The following WDR37 variants were observed in gnomAD, a reference collection of about 807,000 sequenced individuals.
The protein encoded by WDR37 is WD repeat-containing protein 37.
In WDR37, 19 loss-of-function variants were observed where a neutral mutation model predicts 62.9. The observed-to-expected ratio is 0.30, with a 90% CI of 0.21 to 0.44. The LOEUF (loss-of-function observed/expected upper bound fraction) is 0.44. Among genes scored for constraint, WDR37 ranks in the 20% least tolerant of loss-of-function variants. The pLI is 1.00. For synonymous variants in WDR37, 250 were observed against 260.9 expected (o/e 0.96, Z 0.40); for missense variants, 474 against 657.6 (o/e 0.72, Z 3.05).
intron 11 of WDR37, among the ~76,000 whole-genome samples, chr10:1,107,649 CCT>C (rs759313223): frequency 3.3e-5 from 5 of 151,816 alleles, no homozygotes; most frequent in Non-Finnish European, 5.9e-5. Context: ...TGTGTACACA[CCT>C]CTCTCTGAAA....
intron 10 of WDR37, 150 bp from the exon 11 acceptor site, chr10:1,104,976 C>T: frequency 1.1e-6 from 1 of 931,862 alleles, no homozygotes; most frequent in South Asian, 2.7e-5. Flanking sequence ...AAAACCTGCC[C>T]CACTGTGACC....
In WDR37 at chr10:1,105,100, C is replaced by G; in HGVS notation, c.962-26C>G. ...CTCAGCGTGCTCCTCAGGTGATGAC[C>G]TTGTGTTTTGCCATCTTGGTTACAG... On this transcript the variant is annotated intron_variant, in intron 10 of 13. Coordinates refer to ENST00000263150, the MANE Select transcript of WDR37 (RefSeq NM_014023.4). The surrounding 1 kb of genome is among the most constrained non-coding windows in gnomAD (Gnocchi z 5.3). 2 of 1,613,118 alleles carry G rather than the reference C, an allele frequency of 1.2e-6. No individual in the cohort carries two copies. The highest frequency in any genetic ancestry group is 1.7e-6 in the Non-Finnish European group (2 of 1,179,188).
chr10:1,131,016 A>C lies in WDR37; in HGVS notation c.*1672A>C, dbSNP rs531110404. On this transcript the variant is annotated 3_prime_UTR_variant, in exon 14 of 14. Coordinates refer to ENST00000263150, the MANE Select transcript of WDR37 (RefSeq NM_014023.4). ...CAGTCATTTTGATTTTACAAATAAA[A>C]AATGTGTTGTGTTTTTGTCCGACAT... is the stretch of plus-strand genomic sequence containing the variant. The C allele has an allele frequency of 1.3e-5, 2 of 152,366 alleles. No individual in the cohort carries two copies. Among genetic ancestry groups the C allele is most frequent in the South Asian group, 4.1e-4 (2 of 4,830 alleles). 9.4% of individuals were successfully genotyped at this position (152,366 alleles called of 1,614,324 possible).
Position 1,131,191 on chromosome 10 carries a change from C to T in WDR37, c.*1847C>T, listed in dbSNP as rs1835940529. The T allele has an allele frequency of 6.6e-6, 1 of 152,356 alleles. No homozygotes were observed. The highest frequency in any genetic ancestry group is 2.1e-4 in the South Asian group (1 of 4,828). 9.4% of individuals were successfully genotyped at this position (152,356 alleles called of 1,614,324 possible). A position where few individuals can be genotyped will look rare whatever the true frequency, so the allele number is the denominator to read the frequency against. Reference sequence around the variant, plus strand: ...ATGTTGCTGGGGCCTCACTTTTTCTCTTGGCTGGAGGTCCAATTGCCAGAG... The same window carrying T: ...ATGTTGCTGGGGCCTCACTTTTTCTTTTGGCTGGAGGTCCAATTGCCAGAG... On this transcript the variant is annotated 3_prime_UTR_variant, in exon 14 of 14. Coordinates refer to ENST00000263150, the MANE Select transcript of WDR37 (RefSeq NM_014023.4).
chr10:1,103,865 C>G lies in WDR37; in HGVS notation c.961+29C>G, dbSNP rs199553658. On this transcript the variant is annotated intron_variant, in intron 10 of 13. Transcript: ENST00000263150. The surrounding 1 kb of genome is among the most constrained non-coding windows in gnomAD (Gnocchi z 6.3). Reference sequence around the variant, plus strand: ...CCTGGGTTCTCTGAGTCCGCCGCCTCCTGGCTGTGCATGTTAGTTTATGTC... The same window carrying G: ...CCTGGGTTCTCTGAGTCCGCCGCCTGCTGGCTGTGCATGTTAGTTTATGTC... The G allele has an allele frequency of 1.2e-6, 2 of 1,607,410 alleles. No homozygotes were observed. Among genetic ancestry groups the G allele is most frequent in the Non-Finnish European group, 1.7e-6 (2 of 1,175,614 alleles).
intron 11 of WDR37, among the ~76,000 whole-genome samples, chr10:1,109,684 C>G (rs1475796886): frequency 6.6e-6 from 1 of 152,094 alleles, no homozygotes; most frequent in Non-Finnish European, 1.5e-5. Flanking sequence ...GCACTCCAGC[C>G]TGGGCAATGA....
Position 1,124,350 on chromosome 10 carries a change from C to G in WDR37, c.1236C>G (p.Asn412Lys). ...CTATTCGCACGGACTCTGCCATTAA[C>G]AGGTAAAGTCAAACTGTTGGTTAAG... ...IATIRTDSAI[N>K]RINVCVGQKI... Residue 412 changes from asparagine (N) to lysine (K), a missense_variant and splice_region_variant, in exon 12 of 14, where the codon AAC becomes AAG. Transcript: ENST00000263150. The G allele has an allele frequency of 6.2e-7, 1 of 1,614,178 alleles. No individual in the cohort carries two copies. The highest frequency in any genetic ancestry group is 8.5e-7 in the Non-Finnish European group (1 of 1,180,038).
intron 7 of WDR37, among the ~76,000 whole-genome samples, chr10:1,087,697 G>C (rs1012391453): frequency 3.9e-5 from 6 of 152,226 alleles, no homozygotes; most frequent in Non-Finnish European, 7.3e-5. Flanking sequence ...CATTTATGGA[G>C]GACAGGTAGA....
chr10:1,099,183 T>C (rs969517961), intron 9 of WDR37, among the ~76,000 whole-genome samples: 6 of 152,244 alleles, frequency 3.9e-5, no homozygotes, highest in Admixed American at 3.3e-4. Context: ...GCCCTATGTT[T>C]ATGATCACAA....
At chr10:1,094,315 A>G (rs746915329) in intron 8 of WDR37, among the ~76,000 whole-genome samples, 13 of 152,212 alleles carry the variant, frequency 8.5e-5, no homozygotes, top group South Asian at 4.1e-4. Flanking sequence ...GGTTTCGCCT[A>G]TGGGCCAAAT....
At chr10:1,074,856 C>T (rs751452517) in intron 2 of WDR37, among the ~76,000 whole-genome samples, 16 of 152,366 alleles carry the variant, frequency 1.1e-4, no homozygotes, top group Non-Finnish European at 1.3e-4. Flanking sequence ...GCCAGGTTCG[C>T]GCAGGCGCAG....
At chr10:1,117,806 C>T (rs1305811913) in intron 11 of WDR37, among the ~76,000 whole-genome samples, 1 of 152,196 alleles carries the variant, frequency 6.6e-6, no homozygotes, top group Non-Finnish European at 1.5e-5. Context: ...GAGCCAGGGC[C>T]CGGGTGGCAT....
chr10:1,091,966 G>C (rs1281304659), intron 7 of WDR37, among the ~76,000 whole-genome samples: 1 of 151,600 alleles, frequency 6.6e-6, no homozygotes, highest in Non-Finnish European at 1.5e-5. Flanking sequence ...GGATCACGAG[G>C]TCAGGAGATT....
intron 12 of WDR37, 94 bp from the exon 13 acceptor site, chr10:1,124,816 A>T: frequency 6.7e-7 from 1 of 1,496,622 alleles, no homozygotes; most frequent in Non-Finnish European, 9.0e-7. Flanking sequence ...TTGAAATGTG[A>T]ATAATATGGA....
At chr10:1,080,169 G>A (rs1000119451) in intron 4 of WDR37, 63 bp downstream of exon 4, 11 of 1,576,430 alleles carry the variant, frequency 7.0e-6, no homozygotes, top group Non-Finnish European at 8.7e-6. Context: ...TTGGAATTTA[G>A]TGAAGGATGC....
chr10:1,100,334 G>C (rs951276526), intron 9 of WDR37, among the ~76,000 whole-genome samples: 1 of 152,206 alleles, frequency 6.6e-6, no homozygotes, highest in Non-Finnish European at 1.5e-5. Flanking sequence ...GGAGGAGGCA[G>C]TGCAGCCTGT....
intron 11 of WDR37, among the ~76,000 whole-genome samples, chr10:1,112,219 C>T (rs1589116976): frequency 6.6e-6 from 1 of 152,212 alleles, no homozygotes; most frequent in African/African-American, 2.4e-5. Flanking sequence ...GTCATTCTCA[C>T]AATACTTCTT....
At chr10:1,124,807 T>G in intron 12 of WDR37, 103 bp from the exon 13 acceptor site, 3 of 1,462,748 alleles carry the variant, frequency 2.1e-6, no homozygotes, top group Non-Finnish European at 2.8e-6. Context: ...TAGTCGGCCT[T>G]GAAATGTGAA....
At position 1,071,968 on chromosome 10, in the gene WDR37, A is replaced by G. The variant is rs917879315; in HGVS notation, c.-40-148A>G. 1.8e-5 allele frequency: 10 copies of G among 559,926 alleles called. No individual in the cohort carries two copies. The Admixed American group carries it at 3.0e-4, about 17-fold the overall frequency. 34.7% of individuals were successfully genotyped at this position (559,926 alleles called of 1,614,324 possible). Reference sequence around the variant, plus strand: ...AAGGCTGTGGTCCCTACCTTAAAACATCTTAATTTGTCATATTCCAAATTA... The same window carrying G: ...AAGGCTGTGGTCCCTACCTTAAAACGTCTTAATTTGTCATATTCCAAATTA... On this transcript the variant is annotated intron_variant, in intron 1 of 13. Coordinates refer to ENST00000263150, the MANE Select transcript of WDR37 (RefSeq NM_014023.4).
Sources: allele counts gnomAD v4.1 joint callset (sites outside exome capture counted in the v4.1 genomes callset), GRCh38; gene constraint gnomAD v4.1.1; non-coding constraint Gnocchi (gnomAD v3.1); transcripts MANE v1.5; gene names NCBI Gene and HGNC (gene_info 2026-07-23, HGNC 2026-07-21).